The following FANCI variants were observed in gnomAD, a reference collection of about 807,000 sequenced individuals.
FANCI encodes the protein Fanconi anemia group I protein.
In FANCI, 156 loss-of-function variants were observed where a neutral mutation model predicts 176.1. The observed-to-expected ratio is 0.89, with a 90% confidence interval of 0.78 to 1.01. The LOEUF (loss-of-function observed/expected upper bound fraction) is 1.01. Among genes scored for constraint, FANCI ranks in the 50% least tolerant of loss-of-function variants. The pLI is 0.00. For synonymous variants in FANCI, 613 were observed against 541.7 expected (o/e 1.13, Z -1.83); for missense variants, 1,678 against 1,534.1 (o/e 1.09, Z -1.57).
chr15:89,303,835 C>CT, intron 27 of FANCI, 29 bp from the exon 28 acceptor site: 2 of 1,605,072 alleles, frequency 1.2e-6, no homozygotes, highest in East Asian at 4.5e-5. Flanking sequence ...TGGCATGTTT[C>CT]TTTAATATCT....
chr15:89,284,805 C>G (rs1255535154), intron 17 of FANCI, among the ~76,000 whole-genome samples: 1 of 152,138 alleles, frequency 6.6e-6, no homozygotes, highest in Non-Finnish European at 1.5e-5. Flanking sequence ...CTACTGGATT[C>G]TAGTGGCTTG....
chr15:89,244,695 A>C (rs1242923207), intron 1 of FANCI, among the ~76,000 whole-genome samples: 1 of 152,118 alleles, frequency 6.6e-6, no homozygotes, highest in Non-Finnish European at 1.5e-5. Context: ...AAAGCATGGG[A>C]TCTTGGAGTC....
intron 9 of FANCI, among the ~76,000 whole-genome samples, chr15:89,268,103 T>TTTG (rs538091995): frequency 6.6e-6 from 1 of 152,168 alleles, no homozygotes; most frequent in African/African-American, 2.4e-5. Flanking sequence ...ATACCTTTTT[T>TTTG]TTGTTGTTGT....
chr15:89,307,642 C>G lies in FANCI; in HGVS notation c.3621C>G (p.Pro1207=), dbSNP rs112582285. 2.5e-6 allele frequency: 4 copies of G among 1,614,024 alleles called. No individual in the cohort carries two copies. The highest frequency in any genetic ancestry group is 2.7e-5 in the African/African-American group (2 of 74,908). Residue 1207 remains proline, a synonymous_variant, in exon 34 of 38, where the codon CCC becomes CCG. Transcript: ENST00000310775. The part of the protein sequence containing the change: ...LVKLSGSHLT[P]LCYSFISYVQ... ...AGCTGTCTGGTTCTCATCTGACCCC[C>G]CTGTGTTATTCTTTCATTTCTTACG...
In FANCI at chr15:89,261,805, T is replaced by C; in HGVS notation, c.446-16T>C. The C allele has an allele frequency of 6.2e-7, 1 of 1,614,140 alleles. No individual in the cohort carries two copies. The highest frequency in any genetic ancestry group is 8.5e-7 in the Non-Finnish European group (1 of 1,179,988). ...ACATAATCAAATTCATTGCTCAGTA[T>C]ATTTTGCATTTCTAGGTGTACTGAG... On this transcript the variant is annotated splice_polypyrimidine_tract_variant and intron_variant, in intron 5 of 37. Coordinates refer to ENST00000310775, the MANE Select transcript of FANCI (RefSeq NM_001113378.2).
At position 89,295,011 on chromosome 15, in the gene FANCI, G is replaced by A; in HGVS notation, c.2553G>A (p.Gln851=). 1.9e-6 allele frequency: 3 copies of A among 1,552,216 alleles called. No individual in the cohort carries two copies. Among genetic ancestry groups the A allele is most frequent in the East Asian group, 2.4e-5 (1 of 40,918 alleles). ...TGAATGTAGCTCTGCAGAAAGTACAGCAGCTAAAGGAAACAGGGCATGTGA... is the reference window on the plus strand; with the variant it reads ...TGAATGTAGCTCTGCAGAAAGTACAACAGCTAAAGGAAACAGGGCATGTGA... ...YAVNVALQKV[Q]QLKETGHVSG... is the part of the protein sequence containing the mutation. The change falls in exon 24 of 38, where the codon CAG becomes CAA. Residue 851 remains glutamine, a synonymous_variant. Transcript: ENST00000310775.
downstream of FANCI, chr15:89,317,160 A>G (rs563913302): frequency 3.3e-6 from 2 of 613,548 alleles, no homozygotes; most frequent in East Asian, 5.5e-5. Flanking sequence ...GGGGACAGGT[A>G]CAGGTAGAAT....
At chr15:89,281,423 TAAAATTTGCATTAAAAGGGCAAG>T in intron 15 of FANCI, 123 bp downstream of exon 15, 1 of 1,281,714 alleles carries the variant, frequency 7.8e-7, no homozygotes, top group African/African-American at 1.5e-5. Flanking sequence ...GTCTGAAACA[TAAAATTTGCATTAAAAGGGCAAG>T]AGCATTGAGC....
chr15:89,277,135 A>G (rs558821404), intron 13 of FANCI, among the ~76,000 whole-genome samples: 1 of 152,290 alleles, frequency 6.6e-6, no homozygotes, highest in African/African-American at 2.4e-5. Context: ...TCTGACCTAG[A>G]AGTTTGAATA....
Position 89,283,127 on chromosome 15 carries a change from C to G in FANCI, c.1584-9C>G, listed in dbSNP as rs767295513. On this transcript the variant is annotated splice_polypyrimidine_tract_variant and intron_variant, in intron 16 of 37. Transcript: ENST00000310775. Reference sequence around the variant, plus strand: ...GTACTGTTTGTTAACTTCTCTATTTCTGAGCTAGCCAGCTTGATGCCCGAA... The same window carrying G: ...GTACTGTTTGTTAACTTCTCTATTTGTGAGCTAGCCAGCTTGATGCCCGAA... The G allele has an allele frequency of 8.7e-6, 14 of 1,614,048 alleles. No individual in the cohort carries two copies. The highest frequency in any genetic ancestry group is 1.2e-5 in the Non-Finnish European group (14 of 1,179,958).
Position 89,293,857 on chromosome 15 carries a change from G to A in FANCI, c.2316G>A (p.Leu772=). ...SFSKNRFEDI[L]SLFMCYKKLS... is the part of the protein sequence containing the mutation. Reference sequence around the variant, plus strand: ...GTAAGAATAGGTTTGAGGACATTCTGAGCTTATTTATGTGTTACAAAAAAC... The same window carrying A: ...GTAAGAATAGGTTTGAGGACATTCTAAGCTTATTTATGTGTTACAAAAAAC... The change falls in exon 23 of 38, where the codon CTG becomes CTA. Residue 772 remains leucine (L), a synonymous_variant. Coordinates refer to ENST00000310775, the MANE Select transcript of FANCI (RefSeq NM_001113378.2). 6.2e-7 allele frequency: 1 copy of A among 1,614,044 alleles called. No homozygotes were observed. The highest frequency in any genetic ancestry group is 8.5e-7 in the Non-Finnish European group (1 of 1,180,014).
chr15:89,303,339 T>C (rs889033133), intron 27 of FANCI, among the ~76,000 whole-genome samples: 3 of 152,262 alleles, frequency 2.0e-5, no homozygotes, highest in Non-Finnish European at 4.4e-5. Flanking sequence ...ATGCTTGCTA[T>C]CTGAAGACCT....
intron 16 of FANCI, 187 bp from the exon 17 acceptor site, chr15:89,282,949 T>G (rs2053671534): frequency 1.6e-6 from 1 of 625,608 alleles, no homozygotes; most frequent in African/African-American, 1.8e-5. Flanking sequence ...TCAGTTGAAT[T>G]TCTGTACTAT....
chr15:89,307,391 T>C, intron 32 of FANCI, 85 bp from the exon 33 acceptor site: 1 of 1,310,776 alleles, frequency 7.6e-7, no homozygotes, highest in Non-Finnish European at 1.1e-6. Context: ...GTCAGAATGA[T>C]GAGTCACACT....
At position 89,281,710 on chromosome 15, in the gene FANCI, G is replaced by T. The variant is rs550149627; in HGVS notation, c.1513-55G>T. ...TATGGTAACAGTATTGGGTAGAAAT[G>T]ACCTAAGGCTAATAAGCAAACTTGT... On this transcript the variant is annotated intron_variant, in intron 15 of 37. Coordinates refer to ENST00000310775, the MANE Select transcript of FANCI (RefSeq NM_001113378.2). 26 of 1,509,158 alleles carry T rather than the reference G, an allele frequency of 1.7e-5. No homozygotes were observed. The Admixed American group carries it at 2.7e-4, about 16-fold the overall frequency. The allele number at this position is 1,509,158 out of a possible 1,614,324, so 93.5% of individuals were successfully genotyped here.
intron 37 of FANCI, 47 bp from the exon 38 acceptor site, chr15:89,316,350 T>C (rs1555451928): frequency 1.3e-6 from 2 of 1,563,284 alleles, no homozygotes; most frequent in Non-Finnish European, 1.8e-6. Flanking sequence ...TTCCACTGCC[T>C]TGGAGCAGGT....
intron 37 of FANCI, 160 bp from the exon 38 acceptor site, chr15:89,316,234 CTCT>C (rs1205393361): frequency 1.9e-5 from 14 of 734,394 alleles, no homozygotes; most frequent in Non-Finnish European, 3.3e-5. Flanking sequence ...GGACTCCTTC[CTCT>C]TCTTCAACAA....
chr15:89,258,021 A>T (rs2052569605), intron 2 of FANCI, among the ~76,000 whole-genome samples: 1 of 152,006 alleles, frequency 6.6e-6, no homozygotes, highest in Admixed American at 6.5e-5. Context: ...GTTTCTCTTC[A>T]AACTCATCTT....
At position 89,291,727 on chromosome 15, in the gene FANCI, T is replaced by C. The variant is rs762270504; in HGVS notation, c.1992+13T>C. The C allele has an allele frequency of 6.3e-7, 1 of 1,598,100 alleles. No individual in the cohort carries two copies. Among genetic ancestry groups the C allele is most frequent in the South Asian group, 1.1e-5 (1 of 90,742 alleles). On this transcript the variant is annotated intron_variant, in intron 20 of 37. Transcript: ENST00000310775. ...ACAAGAACCACTGGTGAGACTTTTA[T>C]TCTTCCTTCAACCATTATTTTTAGT...
Sources: allele counts gnomAD v4.1 joint callset (sites outside exome capture counted in the v4.1 genomes callset), GRCh38; gene constraint gnomAD v4.1.1; transcripts MANE v1.5; gene names NCBI Gene and HGNC (gene_info 2026-07-23, HGNC 2026-07-21).